GPC2: variants seen among roughly 807,000 people sequenced by gnomAD.
GPC2 encodes the protein glypican 2, also known as glypican-2.
In GPC2, 42 loss-of-function variants were observed where a neutral mutation model predicts 57.3. The ratio of observed to expected loss-of-function variants is 0.73; its 90% CI spans 0.57 to 0.95. The LOEUF (loss-of-function observed/expected upper bound fraction) is 0.95, where lower values mean the gene tolerates loss of function less well. Ranked by LOEUF, GPC2 falls within the 40% of genes least tolerant of loss-of-function variation. The probability of loss-of-function intolerance (pLI) is 0.00; values close to 1 mark genes in which losing one functional copy is unlikely to be tolerated. For missense variants in GPC2, 745 were observed against 793.6 expected (o/e 0.94, Z 0.74); for synonymous variants, 364 against 343.4 (o/e 1.06, Z -0.66).
rs891252159 is a variant in GPC2, at chr7:100,172,224, G to A, written c.893-7C>T. Reference sequence around the variant, plus strand: ...GCCAGGATCAGGAGACCATCTTAAGGGAGGGAGAGAAAGAGAAAGGATGGG... The same window carrying A: ...GCCAGGATCAGGAGACCATCTTAAGAGAGGGAGAGAAAGAGAAAGGATGGG... On this transcript the variant is annotated splice_polypyrimidine_tract_variant and splice_region_variant and intron_variant, in intron 5 of 9. Transcript: ENST00000292377. 1.2e-6 allele frequency: 2 copies of A among 1,613,660 alleles called. No individual in the cohort carries two copies. The highest frequency in any genetic ancestry group is 2.2e-5 in the East Asian group (1 of 44,864).
At chr7:100,172,066 C>A (rs1391709592) in intron 6 of GPC2, 21 bp downstream of exon 6, 1 of 1,613,704 alleles carries the variant, frequency 6.2e-7, no homozygotes, top group Non-Finnish European at 8.5e-7. Flanking sequence ...GGCCTCACCT[C>A]CACCCTTCTC....
Position 100,171,901 on chromosome 7 carries a change from CG to C in GPC2, c.1047del (p.Asp350ThrfsTer24), listed in dbSNP as rs748011069. 7.3e-6 allele frequency: 11 copies of C among 1,497,600 alleles called. No homozygotes were observed. Among genetic ancestry groups the C allele is most frequent in the East Asian group, 4.9e-5 (2 of 41,154 alleles). 92.8% of individuals were successfully genotyped at this position (1,497,600 alleles called of 1,614,324 possible). ...CGACGGTTGCGGGCAGGCACCGGGTCGGGGGGGCCGCACTCCTGAAACACCT... is the reference window on the plus strand; with the variant it reads ...CGACGGTTGCGGGCAGGCACCGGGTCGGGGGGCCGCACTCCTGAAACACCT... ...SAQVFQECGP[P>X]DPVPARNRRA... is the part of the protein sequence containing the mutation. On this transcript the variant is annotated frameshift_variant, in exon 7 of 10. Transcript: ENST00000292377. LOFTEE classifies it high-confidence loss of function. The surrounding 1 kb of genome is among the most constrained non-coding windows in gnomAD (Gnocchi z 4.8).
At position 100,173,875 on chromosome 7, in the gene GPC2, G is replaced by A; in HGVS notation, c.852C>T (p.Leu284=). The change falls in exon 5 of 10, where the codon CTC becomes CTT. Residue 284 remains leucine (L), a synonymous_variant. Coordinates refer to ENST00000292377, the MANE Select transcript of GPC2 (RefSeq NM_152742.3). ...GFCLNVVRGC[L]SSRGLEPDWG... is the part of the protein sequence containing the mutation. The stretch of plus-strand genomic sequence containing the variant: ...AGTCAGGCTCCAGTCCCCTGCTGCT[G>A]AGACAGCCACGAACCACGTTGAGGC... The A allele has an allele frequency of 6.3e-7, 1 of 1,598,278 alleles. No homozygotes were observed. Among genetic ancestry groups the A allele is most frequent in the Non-Finnish European group, 8.5e-7 (1 of 1,172,808 alleles).
chr7:100,175,664 G>T lies in GPC2; in HGVS notation c.556C>A (p.Pro186Thr). The change falls in exon 3 of 10, where the codon CCT becomes ACT. Residue 186 changes from proline to threonine, a missense_variant. By Grantham distance (38) the Pro-to-Thr change is conservative. This residue lies in a region of GPC2 where 607 missense variants were observed against 603.9 expected (regional missense o/e 1.01). Transcript: ENST00000292377. ...PLLHPQYSFP[P>T]DYLLCLSRLA... ...CGTGAGAGGCAGAGCAGGTAGTCAG[G>T]GGGGAAGCTGTACTGTGGGTGCAGC... 1 of 1,614,126 alleles carries T rather than the reference G, an allele frequency of 6.2e-7. No homozygotes were observed. Among genetic ancestry groups the T allele is most frequent in the Non-Finnish European group, 8.5e-7 (1 of 1,180,006 alleles).
intron 3 of GPC2, 115 bp from the exon 4 acceptor site, chr7:100,174,880 G>T: frequency 1.4e-6 from 1 of 698,516 alleles, no homozygotes; most frequent in Non-Finnish European, 2.5e-6. Context: ...GGTTCTCTCA[G>T]AGTGGGTCGA....
chr7:100,177,151 C>T lies in GPC2; in HGVS notation c.49G>A (p.Gly17Ser). Residue 17 changes from glycine to serine, a missense_variant, in exon 1 of 10, where the codon GGT becomes AGT. By Grantham distance (56) the Gly-to-Ser change is moderately conservative (BLOSUM62 0). Transcript: ENST00000292377. The part of the protein sequence containing the change: ...LLLLLLPLCP[G>S]PGPGPGSEAK... Reference sequence around the variant, plus strand: ...TCGCTCCCGGGTCCGGGACCAGGACCGGGACACAGAGGCAGCAGCAGAAGC... The same window carrying T: ...TCGCTCCCGGGTCCGGGACCAGGACTGGGACACAGAGGCAGCAGCAGAAGC... The T allele has an allele frequency of 6.2e-7, 1 of 1,613,814 alleles. No individual in the cohort carries two copies. The highest frequency in any genetic ancestry group is 8.5e-7 in the Non-Finnish European group (1 of 1,179,908).
In GPC2 at chr7:100,174,691, C is replaced by G; in HGVS notation, c.723G>C (p.Ala241=). ...TACTCAGGCACCCTCCAACCTTAAG[C>G]GCTTCGCTGACCACATTTCTTCCAG... ...LETGRNVVSE[A]LKVPVSEGCS... is the part of the protein sequence containing the mutation. Residue 241 remains alanine, a synonymous_variant, in exon 4 of 10, where the codon GCG becomes GCC. Transcript: ENST00000292377. 1.2e-6 allele frequency: 2 copies of G among 1,612,938 alleles called. No individual in the cohort carries two copies. Among genetic ancestry groups the G allele is most frequent in the South Asian group, 2.2e-5 (2 of 91,012 alleles).
At position 100,170,488 on chromosome 7, in the gene GPC2, A is replaced by C. The variant is rs1280878732; in HGVS notation, c.1487-5T>G. The stretch of plus-strand genomic sequence containing the variant: ...CAGAGCCGCTGGCATCCTCATCTGC[A>C]AGGAAGAAGAGGGACAGAGCAGGAT... On this transcript the variant is annotated splice_region_variant and splice_polypyrimidine_tract_variant and intron_variant, in intron 9 of 9. Coordinates refer to ENST00000292377, the MANE Select transcript of GPC2 (RefSeq NM_152742.3). 1 of 1,517,988 alleles carries C rather than the reference A, an allele frequency of 6.6e-7. No individual in the cohort carries two copies. The highest frequency in any genetic ancestry group is 8.9e-7 in the Non-Finnish European group (1 of 1,129,840). The allele number at this position is 1,517,988 out of a possible 1,614,324, so 94.0% of individuals were successfully genotyped here. A position where few individuals can be genotyped will look rare whatever the true frequency, so the allele number is the denominator to read the frequency against.
At chr7:100,175,032 A>G (rs1429723602) in intron 3 of GPC2, among the ~76,000 whole-genome samples, 2 of 152,176 alleles carry the variant, frequency 1.3e-5, no homozygotes, top group African/African-American at 4.8e-5. Context: ...ATCGGAACTA[A>G]CACTGAACTT....
In GPC2 at chr7:100,170,118, G is replaced by T. The variant is rs1562956593; in HGVS notation, c.*112C>A. 4 of 1,133,438 alleles carry T rather than the reference G, an allele frequency of 3.5e-6. No individual in the cohort carries two copies. The highest frequency in any genetic ancestry group is 3.6e-6 in the Non-Finnish European group (3 of 843,688). 70.2% of individuals were successfully genotyped at this position (1,133,438 alleles called of 1,614,324 possible). A position where few individuals can be genotyped will look rare whatever the true frequency, so the allele number is the denominator to read the frequency against. On this transcript the variant is annotated 3_prime_UTR_variant, in exon 10 of 10. Transcript: ENST00000292377. The stretch of plus-strand genomic sequence containing the variant: ...GGGGCCCCAGCCATTCACCTGCAAA[G>T]TCCCTTCTCTACCCTCTCTGCAGCC...
intron 4 of GPC2, 149 bp from the exon 5 acceptor site, chr7:100,174,146 C>T (rs1367994409): frequency 1.9e-5 from 12 of 630,434 alleles, no homozygotes; most frequent in Middle Eastern, 4.3e-4. Flanking sequence ...TGTCACAGAT[C>T]TGAGGAGGGA....
chr7:100,172,159 G>A lies in GPC2; in HGVS notation c.951C>T (p.Ala317=). The stretch of plus-strand genomic sequence containing the variant: ...CCGAGATCTTCACCCCAATGGACTC[G>A]GCCGTCAGCTCAAAGGAAAAGGGGC... ...LQGPFSFELT[A]ESIGVKISEG... The change falls in exon 6 of 10, where the codon GCC becomes GCT. Residue 317 remains alanine, a synonymous_variant. Transcript: ENST00000292377. 1 of 1,613,890 alleles carries A rather than the reference G, an allele frequency of 6.2e-7. No individual in the cohort carries two copies.
intron 3 of GPC2, 72 bp from the exon 4 acceptor site, chr7:100,174,837 C>T: frequency 8.7e-7 from 1 of 1,151,334 alleles, no homozygotes; most frequent in Non-Finnish European, 1.3e-6. Flanking sequence ...AGCCAAGAGA[C>T]TGCATCAAGA....
rs1254955819 is a variant in GPC2 at position 100,177,274 on chromosome 7, A to G, written c.-75T>C. 8 of 1,359,852 alleles carry G rather than the reference A, an allele frequency of 5.9e-6. No individual in the cohort carries two copies. The highest frequency in any genetic ancestry group is 2.6e-5 in the East Asian group (1 of 38,980). 84.2% of individuals were successfully genotyped at this position (1,359,852 alleles called of 1,614,324 possible). On this transcript the variant is annotated 5_prime_UTR_variant, in exon 1 of 10. Coordinates refer to ENST00000292377, the MANE Select transcript of GPC2 (RefSeq NM_152742.3). ...AGCCTCCCAAACTCGGGAATCCGGT[A>G]CTCGGCCGCGGGACCGCTCCGCGGG...
intron 4 of GPC2, 138 bp from the exon 5 acceptor site, chr7:100,174,135 T>C (rs1295329328): frequency 4.4e-6 from 3 of 676,860 alleles, no homozygotes; most frequent in Non-Finnish European, 7.0e-6. Context: ...GCAGGTGAGA[T>C]TGTCACAGAT....
intron 3 of GPC2, 151 bp downstream of exon 3, chr7:100,175,421 A>G (rs1432187649): frequency 1.1e-5 from 7 of 647,006 alleles, no homozygotes; most frequent in Non-Finnish European, 2.7e-6. Context: ...AGCTCAGGAT[A>G]GGGATCACCA....
chr7:100,172,729 A>G (rs1393835925), intron 5 of GPC2, among the ~76,000 whole-genome samples: 1 of 145,142 alleles, frequency 6.9e-6, no homozygotes, highest in Non-Finnish European at 1.5e-5. Context: ...ACACGTATAT[A>G]TATGTGTATA....
intron 4 of GPC2, chr7:100,174,398 G>A (rs1469427308): frequency 3.7e-6 from 2 of 547,864 alleles, no homozygotes; most frequent in East Asian, 3.2e-5. Flanking sequence ...GGGTTGGGCG[G>A]GGGCAGTATC....
rs1213605912 is a variant in GPC2 at position 100,172,099 on chromosome 7, C to T, written c.1011G>A (p.Lys337=). Residue 337 remains lysine, a synonymous_variant, in exon 6 of 10, where the codon AAG becomes AAA. Coordinates refer to ENST00000292377, the MANE Select transcript of GPC2 (RefSeq NM_152742.3). The stretch of plus-strand genomic sequence containing the variant: ...CTCTCCCCTGTACCTGGGCGGACAC[C>T]TTCGCACTGTTTTCCTGCAGGTACA... The part of the protein sequence containing the change: ...GLMYLQENSA[K]VSAQVFQECG... 6 of 1,614,008 alleles carry T rather than the reference C, an allele frequency of 3.7e-6. No homozygotes were observed. The highest frequency in any genetic ancestry group is 3.3e-5 in the Admixed American group (2 of 60,006).
Sources: gnomAD v4.1 joint callset for allele counts (sites outside exome capture counted in the v4.1 genomes callset) on GRCh38, gnomAD v4.1.1 for gene constraint, gnomAD v4.1.1 regional missense constraint, Gnocchi (gnomAD v3.1) non-coding constraint, MANE v1.5 for transcripts, NCBI Gene and HGNC (gene_info 2026-07-23, HGNC 2026-07-21) for gene names.